The following NOS1 variants were observed in gnomAD, a reference collection of about 807,000 sequenced individuals.
NOS1 encodes NOS type I.
In NOS1, 51 loss-of-function variants were observed where a neutral mutation model predicts 164.5. That is an observed-to-expected ratio of 0.31 (90% confidence interval 0.25 to 0.39). The LOEUF (loss-of-function observed/expected upper bound fraction) is 0.39. Ranked by LOEUF, NOS1 falls within the 10% of genes least tolerant of loss-of-function variation. NOS1 has a pLI of 1.00. For missense variants in NOS1, 1,362 were observed against 1,885.6 expected (o/e 0.72, Z 5.14); for synonymous variants, 719 against 745.8 (o/e 0.96, Z 0.59).
chr12:117,285,120 T>C, intron 7 of NOS1, 121 bp downstream of exon 7: 1 of 415,496 alleles, frequency 2.4e-6, no homozygotes, highest in Non-Finnish European at 4.4e-6. Flanking sequence ...CTCTCCCAGC[T>C]TGGCCCGTGT....
intron 16 of NOS1, among the ~76,000 whole-genome samples, chr12:117,256,469 G>T (rs1233646801): frequency 6.6e-6 from 1 of 151,584 alleles, no homozygotes; most frequent in East Asian, 2.0e-4. Context: ...AGTAGAGACG[G>T]GTTTCACCAT....
intron 7 of NOS1, among the ~76,000 whole-genome samples, chr12:117,281,221 C>A (rs7980322): frequency 8.4e-4 from 128 of 152,244 alleles, no homozygotes; most frequent in Middle Eastern, 3.4e-3. Flanking sequence ...ACCTTGTTTC[C>A]CTTTAAGAAT....
chr12:117,238,578 G>A (rs1337843356), intron 20 of NOS1, among the ~76,000 whole-genome samples: 3 of 151,984 alleles, frequency 2.0e-5, no homozygotes, highest in African/African-American at 4.8e-5. Flanking sequence ...GGGCAGTGGT[G>A]CAATTTTGGC....
chr12:117,324,223 A>G (rs1253676207), intron 2 of NOS1, among the ~76,000 whole-genome samples: 4 of 152,082 alleles, frequency 2.6e-5, no homozygotes, highest in Non-Finnish European at 5.9e-5. Context: ...TACACATCCT[A>G]CTTACGGGGC....
At chr12:117,287,185 G>C (rs534893782) in intron 5 of NOS1, among the ~76,000 whole-genome samples, 1 of 152,162 alleles carries the variant, frequency 6.6e-6, no homozygotes, top group South Asian at 2.1e-4. Flanking sequence ...CTGCACTCCA[G>C]CCTGGGTGAC....
At chr12:117,241,381 G>A (rs1484778181) in intron 20 of NOS1, among the ~76,000 whole-genome samples, 1 of 151,082 alleles carries the variant, frequency 6.6e-6, no homozygotes, top group African/African-American at 2.4e-5. Context: ...TTGGTTCACC[G>A]GGTTACCCAC....
chr12:117,213,387 G>C lies in NOS1; in HGVS notation c.*1922C>G, dbSNP rs139149689. Reference sequence around the variant, plus strand: ...GGTGAGTGTGGGATGCTAAGTGTTTGTTCTTTATATCTGTGGAAGAGTGAG... The same window carrying C: ...GGTGAGTGTGGGATGCTAAGTGTTTCTTCTTTATATCTGTGGAAGAGTGAG... On this transcript the variant is annotated 3_prime_UTR_variant, in exon 29 of 29. Coordinates refer to ENST00000317775, the MANE Select transcript of NOS1 (RefSeq NM_000620.5). 72 of 985,480 alleles carry C rather than the reference G, an allele frequency of 7.3e-5. 1 individual carries two copies. In the East Asian group the frequency reaches 6.8e-3, roughly 93 times the overall value. 61.0% of individuals were successfully genotyped at this position (985,480 alleles called of 1,614,324 possible).
chr12:117,326,017 TTAG>T (rs1875227131), intron 2 of NOS1, among the ~76,000 whole-genome samples: 1 of 152,114 alleles, frequency 6.6e-6, no homozygotes, highest in Non-Finnish European at 1.5e-5. Context: ...TAGCATCCAG[TTAG>T]TAAAGACATT....
intron 2 of NOS1, among the ~76,000 whole-genome samples, chr12:117,322,923 T>G (rs545215978): frequency 7.1e-6 from 1 of 141,576 alleles, no homozygotes; most frequent in African/African-American, 2.6e-5. Context: ...AGGCCTACCC[T>G]GGGGTCAAGC....
In NOS1 at chr12:117,331,002, C is replaced by T. The variant is rs56308341; in HGVS notation, c.68G>A (p.Arg23His). Residue 23 changes from arginine to histidine, a missense_variant, in exon 2 of 29, where the codon CGC (arginine) becomes CAC (histidine). Transcript: ENST00000317775. ...PNVISVRLFK[R>H]KVGGLGFLVK... ...CAGAAATCCCAGGCCCCCAACTTTG[C>T]GCTTGAAGAGACGAACAGAAATGAC... 28 of 1,614,186 alleles carry T rather than the reference C, an allele frequency of 1.7e-5. No homozygotes were observed. The highest frequency in any genetic ancestry group is 1.6e-4 in the Middle Eastern group (1 of 6,062).
intron 1 of NOS1, among the ~76,000 whole-genome samples, chr12:117,347,763 T>G (rs1034598163): frequency 6.6e-6 from 1 of 152,190 alleles, no homozygotes; most frequent in Non-Finnish European, 1.5e-5. Context: ...TACTCAACAC[T>G]GACCTTGTTC....
chr12:117,357,458 T>C (rs1304851004), intron 1 of NOS1, among the ~76,000 whole-genome samples: 3 of 152,244 alleles, frequency 2.0e-5, no homozygotes, highest in Non-Finnish European at 4.4e-5. Flanking sequence ...GGGCTTGTAC[T>C]GAAGGAAACA....
Position 117,209,905 on chromosome 12 carries a change from C to T in NOS1, c.*5404G>A, listed in dbSNP as rs1019134993. On this transcript the variant is annotated 3_prime_UTR_variant, in exon 29 of 29. Transcript: ENST00000317775. ...TTCATGGGGAACATCTATGTTGACT[C>T]CCTGGGAGGCAGGCCCCTTCCCTCA... 1.0e-6 allele frequency: 1 copy of T among 985,388 alleles called. No individual in the cohort carries two copies. 61.0% of individuals were successfully genotyped at this position (985,388 alleles called of 1,614,324 possible). A position where few individuals can be genotyped will look rare whatever the true frequency, so the allele number is the denominator to read the frequency against.
At chr12:117,268,196 A>G in intron 10 of NOS1, 52 bp from the exon 11 acceptor site, 1 of 1,212,568 alleles carries the variant, frequency 8.2e-7, no homozygotes, top group Non-Finnish European at 1.2e-6. Context: ...TCTGGATTTC[A>G]GATTGAAGAG....
At chr12:117,296,997 G>A (rs1489704034) in intron 3 of NOS1, among the ~76,000 whole-genome samples, 3 of 152,320 alleles carry the variant, frequency 2.0e-5, no homozygotes, top group East Asian at 3.9e-4. Context: ...GTAAATTTCT[G>A]TTGTCTAAGC....
intron 3 of NOS1, among the ~76,000 whole-genome samples, chr12:117,298,591 A>C (rs1873586336): frequency 6.6e-6 from 1 of 152,142 alleles, no homozygotes; most frequent in African/African-American, 2.4e-5. Context: ...CAAGTTAAAA[A>C]CGAGGTCATC....
At chr12:117,279,962 A>G (rs937591498) in intron 8 of NOS1, among the ~76,000 whole-genome samples, 2 of 152,194 alleles carry the variant, frequency 1.3e-5, no homozygotes, top group Non-Finnish European at 1.5e-5. Context: ...GAGGGGCTTG[A>G]GCAAAGGACG....
At chr12:117,301,977 C>A (rs1324023239) in intron 3 of NOS1, 1 of 456,696 alleles carries the variant, frequency 2.2e-6, no homozygotes, top group South Asian at 1.5e-5. Flanking sequence ...GGGCTCAGGG[C>A]TCCATGGCCT....
At position 117,227,440 on chromosome 12, in the gene NOS1, G is replaced by C. The variant is rs771907015; in HGVS notation, c.3607C>G (p.Arg1203Gly). ...VHLTVAIVSY[R>G]TRDGEGPIHH... ...CAGTGCCTCCGCCCACCTCGAGTGC[G>C]GTAGGAAACGATGGCCACAGTGAGG... Residue 1203 changes from arginine (R) to glycine (G), a missense_variant, in exon 23 of 29, where the codon CGC (arginine) becomes GGC (glycine). Arg to Gly is a moderately radical substitution (Grantham distance 125, BLOSUM62 -2). This residue lies in a region of NOS1 where 737 missense variants were observed against 1,030.3 expected (regional missense o/e 0.72). Transcript: ENST00000317775. The C allele has an allele frequency of 1.2e-6, 2 of 1,613,866 alleles. No individual in the cohort carries two copies. The highest frequency in any genetic ancestry group is 2.2e-5 in the South Asian group (2 of 91,004).
Sources: gnomAD v4.1 joint callset for allele counts (sites outside exome capture counted in the v4.1 genomes callset) on GRCh38, gnomAD v4.1.1 for gene constraint, gnomAD v4.1.1 regional missense constraint, MANE v1.5 for transcripts, NCBI Gene and HGNC (gene_info 2026-07-23, HGNC 2026-07-21) for gene names.